Variants in FHIT observed in about 807,000 individuals in gnomAD.
The protein encoded by FHIT is bis(5'-adenosyl)-triphosphatase.
In FHIT, 19 loss-of-function variants were observed where a neutral mutation model predicts 17.9. The observed-to-expected ratio is 1.06, with a 90% CI of 0.74 to 1.56. The LOEUF is 1.56. FHIT is among the 40% of genes most tolerant of loss of function. The probability of loss-of-function intolerance (pLI) is 0.00; values close to 1 mark genes in which losing one functional copy is unlikely to be tolerated. For missense variants in FHIT, 248 were observed against 189.2 expected (o/e 1.31, Z -1.82); for synonymous variants, 81 against 69.7 (o/e 1.16, Z -0.81).
At chr3:60,754,236 G>C (rs890965269) in intron 4 of FHIT, among the ~76,000 whole-genome samples, 1 of 152,144 alleles carries the variant, frequency 6.6e-6, no homozygotes, top group Non-Finnish European at 1.5e-5. Context: ...TTAGTGAAAG[G>C]CCAGTTAACC....
Position 60,762,074 on chromosome 3 carries a change from A to C in FHIT, c.-18+59845T>G, listed in dbSNP as rs553244137. On this transcript the variant is annotated intron_variant, in intron 4 of 9. Transcript: ENST00000492590. ...TAAAGGGCAGTCCAATCAAGGATAG[A>C]CACCTCCATGTGTGTATGGTGAGCA... Among the ~76,000 whole-genome samples, 10 of 152,314 alleles carry C rather than the reference A, an allele frequency of 6.6e-5. No individual in the cohort carries two copies. The South Asian group carries it at 2.1e-3, about 32-fold the overall frequency.
At chr3:59,761,216 G>A (rs1007683507) in intron 8 of FHIT, among the ~76,000 whole-genome samples, 6 of 152,156 alleles carry the variant, frequency 3.9e-5, no homozygotes, top group East Asian at 1.9e-4. Flanking sequence ...ATTTGCACTC[G>A]CCCAGTAGTT....
At chr3:59,796,482 G>T (rs535517129) in intron 8 of FHIT, among the ~76,000 whole-genome samples, 7 of 152,234 alleles carry the variant, frequency 4.6e-5, no homozygotes, top group African/African-American at 7.2e-5. Flanking sequence ...GGCCTTCCTT[G>T]TGACTCCATA....
chr3:60,969,360 T>C (rs995227636), intron 3 of FHIT, among the ~76,000 whole-genome samples: 10 of 152,126 alleles, frequency 6.6e-5, no homozygotes, highest in Non-Finnish European at 1.5e-4. Context: ...ATTTCAATAA[T>C]TTCTGCTCTT....
At chr3:60,048,760 A>C (rs1217613629) in intron 5 of FHIT, among the ~76,000 whole-genome samples, 1 of 152,224 alleles carries the variant, frequency 6.6e-6, no homozygotes, top group African/African-American at 2.4e-5. Context: ...GCTTTCAGGT[A>C]AACGTCCTTT....
intron 5 of FHIT, among the ~76,000 whole-genome samples, chr3:60,420,730 G>T (rs1702435120): frequency 2.0e-5 from 3 of 152,248 alleles, no homozygotes; most frequent in Middle Eastern, 6.8e-3. Flanking sequence ...TGCATGGAGT[G>T]TCTTGGTATT....
chr3:61,228,411 C>T (rs189459692), intron 1 of FHIT, among the ~76,000 whole-genome samples: 1 of 152,330 alleles, frequency 6.6e-6, no homozygotes, highest in Non-Finnish European at 1.5e-5. Flanking sequence ...TATCCTGGCC[C>T]AAGGCCCTTT....
intron 3 of FHIT, among the ~76,000 whole-genome samples, chr3:60,887,195 A>ATT (rs1705264831): frequency 7.3e-6 from 1 of 137,924 alleles, no homozygotes; most frequent in African/African-American, 3.0e-5. Context: ...AGCAGAACTA[A>ATT]CTTGTTTAGG....
intron 5 of FHIT, among the ~76,000 whole-genome samples, chr3:60,284,564 C>T (rs1219294233): frequency 6.6e-6 from 1 of 152,032 alleles, no homozygotes; most frequent in Admixed American, 6.6e-5. Context: ...TGATAAGATA[C>T]TTACATAAAG....
intron 1 of FHIT, among the ~76,000 whole-genome samples, chr3:61,234,022 T>C (rs529437809): frequency 6.6e-6 from 1 of 152,346 alleles, no homozygotes; most frequent in East Asian, 1.9e-4. Context: ...ACCTATTAAA[T>C]AATACATGAC....
chr3:59,808,285 G>T (rs975265406), intron 8 of FHIT, among the ~76,000 whole-genome samples: 2 of 152,312 alleles, frequency 1.3e-5, no homozygotes, highest in Non-Finnish European at 1.5e-5. Context: ...GACTTAGGAT[G>T]CTTGAATTCA....
intron 7 of FHIT, among the ~76,000 whole-genome samples, chr3:59,931,739 T>C (rs933162732): frequency 6.6e-6 from 1 of 152,162 alleles, no homozygotes; most frequent in African/African-American, 2.4e-5. Context: ...CTGTTGAGTT[T>C]CGTGGCTTAA....
At chr3:61,058,531 T>C (rs1454451521) in intron 2 of FHIT, among the ~76,000 whole-genome samples, 1 of 152,192 alleles carries the variant, frequency 6.6e-6, no homozygotes, top group Non-Finnish European at 1.5e-5. Context: ...TCCTCCTTGC[T>C]GTTCTCGCAA....
chr3:60,520,659 T>C (rs779887628), intron 5 of FHIT, among the ~76,000 whole-genome samples: 1 of 150,356 alleles, frequency 6.7e-6, no homozygotes, highest in African/African-American at 2.4e-5. Flanking sequence ...AAAAAAAAAA[T>C]CCATTAAAAT....
intron 8 of FHIT, among the ~76,000 whole-genome samples, chr3:59,826,572 C>G (rs1281577722): frequency 6.6e-6 from 1 of 152,168 alleles, no homozygotes; most frequent in African/African-American, 2.4e-5. Flanking sequence ...GGGAAATGAC[C>G]CTTCAGTGCC....
chr3:60,653,378 G>C (rs1446802278), intron 4 of FHIT, among the ~76,000 whole-genome samples: 1 of 152,006 alleles, frequency 6.6e-6, no homozygotes, highest in East Asian at 1.9e-4. Flanking sequence ...AAAGTTTGTA[G>C]GCAACGTTGG....
chr3:60,729,307 C>T (rs1553710511), intron 4 of FHIT, among the ~76,000 whole-genome samples: 1 of 152,196 alleles, frequency 6.6e-6, no homozygotes. Flanking sequence ...CCACCATTCA[C>T]TGGGACAACC....
chr3:60,182,783 G>GATCA (rs1456080038), intron 5 of FHIT, among the ~76,000 whole-genome samples: 15 of 151,842 alleles, frequency 9.9e-5, no homozygotes, highest in South Asian at 2.1e-4. Flanking sequence ...ACCCTGTCTT[G>GATCA]ATCAATCAAT....
chr3:60,697,906 C>T (rs1449910893), intron 4 of FHIT, among the ~76,000 whole-genome samples: 9 of 152,182 alleles, frequency 5.9e-5, no homozygotes, highest in Middle Eastern at 3.4e-3. Flanking sequence ...TTTTGTAAAG[C>T]AATGATGTGT....
Sources: allele counts gnomAD v4.1 joint callset (sites outside exome capture counted in the v4.1 genomes callset), GRCh38; gene constraint gnomAD v4.1.1; transcripts MANE v1.5; gene names NCBI Gene and HGNC (gene_info 2026-07-23, HGNC 2026-07-21).